The following FBXL17 variants were observed in gnomAD, a reference collection of about 807,000 sequenced individuals.
FBXL17 encodes F-box and leucine rich repeat protein 17.
In FBXL17, 22 loss-of-function variants were observed where a neutral mutation model predicts 66.2. That is an observed-to-expected ratio of 0.33 (90% confidence interval 0.24 to 0.47). The LOEUF (loss-of-function observed/expected upper bound fraction) is 0.47, where lower values mean the gene tolerates loss of function less well. Ranked by LOEUF, FBXL17 falls within the 20% of genes least tolerant of loss-of-function variation. The probability of loss-of-function intolerance (pLI) is 1.00; values close to 1 mark genes in which losing one functional copy is unlikely to be tolerated. For synonymous variants in FBXL17, 474 were observed against 400.5 expected (o/e 1.18, Z -2.19); for missense variants, 878 against 948.2 (o/e 0.93, Z 0.97).
chr5:108,032,346 T>C (rs896504992), intron 6 of FBXL17, among the ~76,000 whole-genome samples: 1 of 152,110 alleles, frequency 6.6e-6, no homozygotes, highest in Non-Finnish European at 1.5e-5. Flanking sequence ...GCATGGAACC[T>C]GGCACACTTA....
chr5:108,086,554 G>A lies in FBXL17; in HGVS notation c.1746-65553C>T, dbSNP rs556587409. ...CTTTTTTAATAGGAATGTTGGCTGT[G>A]ACTGTCTTTGTTTTTGTTTTTTGAG... On this transcript the variant is annotated intron_variant, in intron 6 of 8. Coordinates refer to ENST00000542267, the MANE Select transcript of FBXL17 (RefSeq NM_001163315.3). Among the ~76,000 whole-genome samples the A allele has an allele frequency of 3.3e-5, 5 of 152,082 alleles. No homozygotes were observed. In the East Asian group the frequency reaches 5.8e-4, roughly 18 times the overall value.
At chr5:108,366,169 G>A (rs1400155848) in intron 2 of FBXL17, among the ~76,000 whole-genome samples, 1 of 152,110 alleles carries the variant, frequency 6.6e-6, no homozygotes. Context: ...GAACACCAAA[G>A]ACTATATAGG....
intron 6 of FBXL17, among the ~76,000 whole-genome samples, chr5:108,023,482 T>A (rs1754677256): frequency 6.6e-6 from 1 of 152,188 alleles, no homozygotes; most frequent in Non-Finnish European, 1.5e-5. Flanking sequence ...CACCACCTCA[T>A]GTTCCCGGCT....
intron 6 of FBXL17, among the ~76,000 whole-genome samples, chr5:108,153,521 A>C (rs1751850418): frequency 6.6e-6 from 1 of 152,208 alleles, no homozygotes; most frequent in Admixed American, 6.5e-5. Flanking sequence ...AAGAATTACA[A>C]GGTATAAGTA....
At chr5:108,166,486 ATAAT>A (rs977695303) in intron 6 of FBXL17, among the ~76,000 whole-genome samples, 3 of 151,248 alleles carry the variant, frequency 2.0e-5, no homozygotes, top group African/African-American at 7.4e-5. Context: ...TAAAAAACTG[ATAAT>A]AAATAACCTG....
In FBXL17 at chr5:108,348,903, A is replaced by G. The variant is rs573185021; in HGVS notation, c.1375-373T>C. ...CACTGCAGCCTCAACCTCCTGGGCT[A>G]AAGAGATCCTCTTACCTCAGCCTCC... On this transcript the variant is annotated intron_variant, in intron 3 of 8. Coordinates refer to ENST00000542267, the MANE Select transcript of FBXL17 (RefSeq NM_001163315.3). Among the ~76,000 whole-genome samples, 185 of 152,232 alleles carry G rather than the reference A, an allele frequency of 1.2e-3. 3 individuals are homozygous for G. Among genetic ancestry groups the G allele is most frequent in the Non-Finnish European group, 1.6e-4 (11 of 67,994 alleles).
chr5:107,958,533 C>T (rs1350285500), intron 7 of FBXL17, among the ~76,000 whole-genome samples: 1 of 152,166 alleles, frequency 6.6e-6, no homozygotes, highest in Non-Finnish European at 1.5e-5. Context: ...CAGAGGGTAA[C>T]TTGTCCTTAA....
At chr5:108,032,693 G>A (rs1372274349) in intron 6 of FBXL17, among the ~76,000 whole-genome samples, 1 of 152,196 alleles carries the variant, frequency 6.6e-6, no homozygotes, top group Non-Finnish European at 1.5e-5. Flanking sequence ...CCAGACAGGG[G>A]ATGACACCCT....
intron 8 of FBXL17, among the ~76,000 whole-genome samples, chr5:107,868,955 A>T: frequency 6.6e-6 from 1 of 152,214 alleles, no homozygotes. Context: ...AACAAACTCA[A>T]GTGTATACCT....
intron 7 of FBXL17, among the ~76,000 whole-genome samples, chr5:107,943,547 CTTT>C (rs5870290): frequency 6.9e-6 from 1 of 144,704 alleles, no homozygotes. Context: ...AGAACCTCAT[CTTT>C]TTTTTTTTTT....
At chr5:108,352,090 T>A (rs1028146798) in intron 3 of FBXL17, among the ~76,000 whole-genome samples, 4 of 152,216 alleles carry the variant, frequency 2.6e-5, no homozygotes, top group African/African-American at 9.6e-5. Flanking sequence ...GCATGTGAGG[T>A]AAAGTCAGAT....
chr5:107,941,450 A>G (rs1751095307), intron 7 of FBXL17, among the ~76,000 whole-genome samples: 1 of 152,242 alleles, frequency 6.6e-6, no homozygotes, highest in African/African-American at 2.4e-5. Flanking sequence ...ACAGTGAGTT[A>G]TTCCAACCCT....
intron 7 of FBXL17, among the ~76,000 whole-genome samples, chr5:107,989,326 ACTCTAC>A (rs1358609005): frequency 6.6e-6 from 1 of 151,758 alleles, no homozygotes; most frequent in Non-Finnish European, 1.5e-5. Context: ...CCACCATTCT[ACTCTAC>A]CTCTATGAGA....
intron 6 of FBXL17, among the ~76,000 whole-genome samples, chr5:108,082,159 C>T (rs537866175): frequency 7.3e-5 from 11 of 151,122 alleles, no homozygotes; most frequent in Middle Eastern, 6.8e-3. Context: ...TATTTACATA[C>T]GAGGATACAT....
intron 6 of FBXL17, among the ~76,000 whole-genome samples, chr5:108,115,566 T>G (rs1750215830): frequency 1.3e-5 from 2 of 151,574 alleles, no homozygotes; most frequent in South Asian, 4.2e-4. Context: ...AACACTCAGT[T>G]CAAGCTGCTG....
chr5:107,870,254 C>T (rs1403225232), intron 8 of FBXL17, among the ~76,000 whole-genome samples: 1 of 152,202 alleles, frequency 6.6e-6, no homozygotes, highest in African/African-American at 2.4e-5. Flanking sequence ...CACCTGCCCA[C>T]TTCCCATGAC....
intron 6 of FBXL17, among the ~76,000 whole-genome samples, chr5:108,121,548 A>C (rs1750499900): frequency 6.6e-6 from 1 of 152,136 alleles, no homozygotes; most frequent in Admixed American, 6.5e-5. Context: ...TAATTGATAC[A>C]AAAATATATT....
At chr5:108,283,948 G>A (rs903750544) in intron 4 of FBXL17, among the ~76,000 whole-genome samples, 4 of 151,680 alleles carry the variant, frequency 2.6e-5, no homozygotes, top group South Asian at 2.1e-4. Flanking sequence ...ACTCCACATC[G>A]CTAATCATCA....
At chr5:107,907,180 T>C (rs569164230) in intron 7 of FBXL17, among the ~76,000 whole-genome samples, 5 of 152,292 alleles carry the variant, frequency 3.3e-5, no homozygotes, top group Admixed American at 2.6e-4. Context: ...CTTCACACAT[T>C]GACCTTGTAA....
Sources: allele counts gnomAD v4.1 joint callset (sites outside exome capture counted in the v4.1 genomes callset), GRCh38; gene constraint gnomAD v4.1.1; transcripts MANE v1.5; gene names NCBI Gene and HGNC (gene_info 2026-07-23, HGNC 2026-07-21).